The following ALS2CL variants were observed in gnomAD, a reference collection of about 807,000 sequenced individuals.
ALS2CL encodes ALS2 C-terminal-like protein.
ALS2CL carries 112 observed loss-of-function variants against 127.9 expected under a neutral mutation model. That is an observed-to-expected ratio of 0.88 (90% CI 0.75 to 1.02). The LOEUF (loss-of-function observed/expected upper bound fraction) is 1.02. Ranked by LOEUF, ALS2CL falls within the 50% of genes least tolerant of loss-of-function variation. ALS2CL has a pLI of 0.00. For synonymous variants in ALS2CL, 519 were observed against 527.6 expected (o/e 0.98, Z 0.22); for missense variants, 1,174 against 1,236.7 (o/e 0.95, Z 0.76).
chr3:46,674,744 TG>T lies in ALS2CL; in HGVS notation c.2256-6del, dbSNP rs1698675133. 1 of 1,603,438 alleles carries T rather than the reference TG, an allele frequency of 6.2e-7. No homozygotes were observed. Among genetic ancestry groups the T allele is most frequent in the African/African-American group, 1.3e-5 (1 of 74,576 alleles). ...AATCCATGCACCTGGAGGTCCCTGA[TG>T]GGGAGACCGGAACAGGTTGGGATGA... is the stretch of plus-strand genomic sequence containing the variant. On this transcript the variant is annotated splice_region_variant and splice_polypyrimidine_tract_variant and intron_variant, in intron 20 of 25. Coordinates refer to ENST00000318962, the MANE Select transcript of ALS2CL (RefSeq NM_147129.5).
intron 7 of ALS2CL, among the ~76,000 whole-genome samples, chr3:46,685,226 A>T (rs1699670874): frequency 1.3e-5 from 2 of 152,094 alleles, no homozygotes; most frequent in South Asian, 4.1e-4. Context: ...GAACAAACTC[A>T]CTCACAATGA....
intron 6 of ALS2CL, among the ~76,000 whole-genome samples, 160 bp from the exon 7 acceptor site, chr3:46,685,804 T>C (rs898129170): frequency 6.6e-6 from 1 of 152,154 alleles, no homozygotes; most frequent in South Asian, 2.1e-4. Context: ...ATGCACTGAT[T>C]ATACATTCCT....
chr3:46,674,814 G>C, intron 20 of ALS2CL, 75 bp from the exon 21 acceptor site: 1 of 1,392,688 alleles, frequency 7.2e-7, no homozygotes, highest in East Asian at 2.5e-5. Flanking sequence ...TCGTCTCAAA[G>C]AGCTCCTAGT....
rs756045055 is a variant in ALS2CL at position 46,671,565 on chromosome 3, C to G, written c.2704G>C (p.Glu902Gln). 6.2e-7 allele frequency: 1 copy of G among 1,613,896 alleles called. No homozygotes were observed. Among genetic ancestry groups the G allele is most frequent in the Non-Finnish European group, 8.5e-7 (1 of 1,179,952 alleles). Residue 902 changes from glutamate to glutamine, a missense_variant, in exon 25 of 26, where the codon GAG becomes CAG. Coordinates refer to ENST00000318962, the MANE Select transcript of ALS2CL (RefSeq NM_147129.5). ...ATCATGTCACGGATCAGGTGGATCT[C>G]GGCTCCCAGGTGCTGAATTCTGGAG... ...SRARIQHLGAEIHLIRDMMDP... is the reference protein window; with the variant it reads ...SRARIQHLGAQIHLIRDMMDP...
In ALS2CL at chr3:46,671,527, G is replaced by A; in HGVS notation, c.2742C>T (p.His914=). 6.2e-7 allele frequency: 1 copy of A among 1,614,080 alleles called. No individual in the cohort carries two copies. The highest frequency in any genetic ancestry group is 1.1e-5 in the South Asian group (1 of 91,072). The change falls in exon 25 of 26, where the codon CAC becomes CAT. Residue 914 remains histidine (H), a synonymous_variant. Transcript: ENST00000318962. The part of the protein sequence containing the change: ...HLIRDMMDPN[H]TGGLYDFLLT... ...GCAGGAAGTCATACAGGCCTCCTGT[G>A]TGGTTGGGGTCCATCATGTCACGGA... is the stretch of plus-strand genomic sequence containing the variant.
rs1463817580 is a variant in ALS2CL at position 46,675,955 on chromosome 3, C to T, written c.2187-269G>A. The stretch of plus-strand genomic sequence containing the variant: ...CCAGCCTGGGACTGCAGGTGTGTTC[C>T]GAGTCCAGGGCCAAGCTCAGCCTAC... On this transcript the variant is annotated intron_variant, in intron 19 of 25. Coordinates refer to ENST00000318962, the MANE Select transcript of ALS2CL (RefSeq NM_147129.5). 16 of 1,422,444 alleles carry T rather than the reference C, an allele frequency of 1.1e-5. No individual in the cohort carries two copies. In the East Asian group the frequency reaches 1.8e-4, roughly 16 times the overall value. 88.1% of individuals were successfully genotyped at this position (1,422,444 alleles called of 1,614,324 possible).
chr3:46,674,187 T>A (rs1698624677), intron 21 of ALS2CL, among the ~76,000 whole-genome samples: 1 of 152,184 alleles, frequency 6.6e-6, no homozygotes, highest in African/African-American at 2.4e-5. Flanking sequence ...CAATCACGGC[T>A]GGCACTCAGG....
At chr3:46,687,706 C>A (rs767195654) in intron 3 of ALS2CL, 22 bp from the exon 4 acceptor site, 1 of 1,604,744 alleles carries the variant, frequency 6.2e-7, no homozygotes, top group Non-Finnish European at 8.5e-7. Context: ...ACAGGGGACA[C>A]CCTGCAAACC....
chr3:46,676,760 C>T (rs1356743878), intron 17 of ALS2CL, 22 bp from the exon 18 acceptor site: 4 of 1,613,200 alleles, frequency 2.5e-6, no homozygotes, highest in Non-Finnish European at 3.4e-6. Context: ...ACACAGCATC[C>T]CTCACCCACA....
rs778298581 is a variant in ALS2CL, at chr3:46,681,329, C to T, written c.1353G>A (p.Pro451=). 1.9e-5 allele frequency: 31 copies of T among 1,613,426 alleles called. No homozygotes were observed. In the Admixed American group the frequency reaches 2.5e-4, roughly 13 times the overall value. ...RHGFGVLESG[P]QAPQPFRYTG... ...TGTACCTGAAGGGCTGGGGGGCCTG[C>T]GGACCACTCTCAAGGACCCCAAATC... The change falls in exon 13 of 26, where the codon CCG becomes CCA. Residue 451 remains proline (P), a synonymous_variant. Coordinates refer to ENST00000318962, the MANE Select transcript of ALS2CL (RefSeq NM_147129.5). This position sits in a 1 kb window ranked among gnomAD's most constrained non-coding sequence, Gnocchi z 4.9.
intron 9 of ALS2CL, 86 bp downstream of exon 9, chr3:46,683,696 G>A (rs568746392): frequency 3.3e-6 from 5 of 1,517,634 alleles, no homozygotes; most frequent in East Asian, 2.3e-5. Context: ...CACTCCTGTG[G>A]GGCCCTGCAG....
At chr3:46,683,910 C>T in intron 8 of ALS2CL, 62 bp from the exon 9 acceptor site, 3 of 1,613,524 alleles carry the variant, frequency 1.9e-6, no homozygotes, top group Non-Finnish European at 2.5e-6. Flanking sequence ...GGGGCCCAAG[C>T]CAGAGTCCCA....
At chr3:46,671,630 G>A (rs115360749) in intron 24 of ALS2CL, 46 bp from the exon 25 acceptor site, 22,139 of 1,613,022 alleles carry the variant, frequency 0.014, 274 homozygotes, top group Non-Finnish European at 0.014. Context: ...ACAAGGAGAA[G>A]AGGCCTGTCG....
chr3:46,680,782 C>T, intron 13 of ALS2CL: 1 of 563,440 alleles, frequency 1.8e-6, no homozygotes, highest in Admixed American at 3.0e-5. Flanking sequence ...GCAGGAAGGA[C>T]AGGGGGAATA....
In ALS2CL at chr3:46,671,884, C is replaced by T. The variant is rs549538690; in HGVS notation, c.2684G>A (p.Arg895Gln). Residue 895 changes from arginine to glutamine, a missense_variant and splice_region_variant, in exon 24 of 26, where the codon CGA (arginine) becomes CAA (glutamine). Coordinates refer to ENST00000318962, the MANE Select transcript of ALS2CL (RefSeq NM_147129.5). Reference protein sequence around the residue: ...PLLIYVVSRARIQHLGAEIHL... With the variant: ...PLLIYVVSRAQIQHLGAEIHL... ...CACCCCCAGCTCCTGACTGCCTCACCGGGCGCGCGACACCACGTAGATGAG... is the reference window on the plus strand; with the variant it reads ...CACCCCCAGCTCCTGACTGCCTCACTGGGCGCGCGACACCACGTAGATGAG... The T allele has an allele frequency of 1.2e-5, 19 of 1,613,476 alleles. No individual in the cohort carries two copies. Among genetic ancestry groups the T allele is most frequent in the East Asian group, 6.7e-5 (3 of 44,842 alleles).
chr3:46,673,360 G>A lies in ALS2CL; in HGVS notation c.2451C>T (p.Asp817=). Residue 817 remains aspartate (D), a synonymous_variant, in exon 22 of 26, where the codon GAC becomes GAT. Transcript: ENST00000318962. The part of the protein sequence containing the change: ...DVQKHLWPLK[D]LTLTSNQRYS... ...TCACCTGATTGCTCGTCAGCGTGAG[G>A]TCCTTGAGGGGCCACAAGTGCCTGA... 6.4e-7 allele frequency: 1 copy of A among 1,565,488 alleles called. No individual in the cohort carries two copies. The highest frequency in any genetic ancestry group is 8.7e-7 in the Non-Finnish European group (1 of 1,154,704).
chr3:46,675,922 G>A (rs548772738), intron 19 of ALS2CL: 5 of 1,429,018 alleles, frequency 3.5e-6, no homozygotes, highest in East Asian at 2.5e-5. Context: ...GTTTCATGGG[G>A]TCACAGCCCA....
chr3:46,674,918 A>G, intron 20 of ALS2CL, 179 bp from the exon 21 acceptor site: 1 of 553,002 alleles, frequency 1.8e-6, no homozygotes, highest in Non-Finnish European at 3.0e-6. Flanking sequence ...AATTCAATTC[A>G]TAACTTCATT....
At chr3:46,678,685 C>T (rs944648719) in intron 15 of ALS2CL, among the ~76,000 whole-genome samples, 1 of 152,208 alleles carries the variant, frequency 6.6e-6, no homozygotes, top group African/African-American at 2.4e-5. Flanking sequence ...CACTGAGGGG[C>T]TGGGGTGGGG....
Sources: allele counts gnomAD v4.1 joint callset (sites outside exome capture counted in the v4.1 genomes callset), GRCh38; gene constraint gnomAD v4.1.1; non-coding constraint Gnocchi (gnomAD v3.1); transcripts MANE v1.5; gene names NCBI Gene and HGNC (gene_info 2026-07-23, HGNC 2026-07-21).